The following PGAP1 variants were observed in gnomAD, a reference collection of about 807,000 sequenced individuals.
The protein encoded by PGAP1 is post-GPI attachment to proteins inositol deacylase 1.
PGAP1 carries 76 observed loss-of-function variants against 127.0 expected under a neutral mutation model. The observed-to-expected ratio is 0.60, with a 90% confidence interval of 0.50 to 0.72. The LOEUF (loss-of-function observed/expected upper bound fraction) is 0.72, where lower values mean the gene tolerates loss of function less well. Ranked by LOEUF, PGAP1 falls within the 30% of genes least tolerant of loss-of-function variation. The probability of loss-of-function intolerance (pLI) is 0.00; values close to 1 mark genes in which losing one functional copy is unlikely to be tolerated. For synonymous variants in PGAP1, 362 were observed against 366.5 expected (o/e 0.99, Z 0.14); for missense variants, 982 against 1,071.3 (o/e 0.92, Z 1.16).
chr2:196,862,019 A>T (rs929655018), intron 20 of PGAP1, among the ~76,000 whole-genome samples: 33 of 151,768 alleles, frequency 2.2e-4, no homozygotes, highest in African/African-American at 8.0e-4. Flanking sequence ...AAATCTGGGC[A>T]CCTTGAAAAA....
At chr2:196,922,264 C>T in intron 1 of PGAP1, 1 of 1,202,480 alleles carries the variant, frequency 8.3e-7, no homozygotes, top group South Asian at 1.4e-5. Flanking sequence ...ACTAAAATAT[C>T]TATTTTATGA....
At chr2:196,895,987 G>A (rs539389235) in intron 7 of PGAP1, among the ~76,000 whole-genome samples, 1 of 152,274 alleles carries the variant, frequency 6.6e-6, no homozygotes, top group Admixed American at 6.5e-5. Context: ...AAGATGACCT[G>A]AGGTAAAAGG....
At chr2:196,875,916 A>T (rs759019524) in intron 13 of PGAP1, 95 bp from the exon 14 acceptor site, 2 of 654,542 alleles carry the variant, frequency 3.1e-6, no homozygotes, top group Non-Finnish European at 2.7e-6. Flanking sequence ...AAAGTCTATA[A>T]ACCTCAGCTT....
chr2:196,837,259 T>A lies in PGAP1; in HGVS notation c.*3975A>T, dbSNP rs1700263271. 1 of 152,202 alleles carries A rather than the reference T, an allele frequency of 6.6e-6. No individual in the cohort carries two copies. Among genetic ancestry groups the A allele is most frequent in the South Asian group, 2.1e-4 (1 of 4,828 alleles). 9.4% of individuals were successfully genotyped at this position (152,202 alleles called of 1,614,324 possible). A position where few individuals can be genotyped will look rare whatever the true frequency, so the allele number is the denominator to read the frequency against. On this transcript the variant is annotated 3_prime_UTR_variant, in exon 27 of 27. Transcript: ENST00000354764. ...GAATTTTACCACCTTTTATTTCCCT[T>A]GGCCACAAAGGGTGCTAATAAACAG...
rs1454563114 is a variant in PGAP1, at chr2:196,890,829, A to T, written c.1172T>A (p.Leu391Gln). ...YTHVYCQSTM[L>Q]DTNSWIFACI... ...CATAAAATGTACCAATTATCTTACC[A>T]GCATAGTGCTCTGACAATAGACATG... Residue 391 changes from leucine to glutamine, a missense_variant and splice_region_variant, in exon 10 of 27, where the codon CTG becomes CAG. Leu to Gln is a moderately radical substitution (Grantham distance 113). Coordinates refer to ENST00000354764, the MANE Select transcript of PGAP1 (RefSeq NM_024989.4). 10 of 1,518,288 alleles carry T rather than the reference A, an allele frequency of 6.6e-6. No individual in the cohort carries two copies. The highest frequency in any genetic ancestry group is 9.1e-6 in the Non-Finnish European group (10 of 1,096,168). 94.1% of individuals were successfully genotyped at this position (1,518,288 alleles called of 1,614,324 possible).
In PGAP1 at chr2:196,845,945, T is replaced by G; in HGVS notation, c.2223A>C (p.Ile741=). The G allele has an allele frequency of 6.2e-7, 1 of 1,609,058 alleles. No homozygotes were observed. Among genetic ancestry groups the G allele is most frequent in the Non-Finnish European group, 8.5e-7 (1 of 1,176,782 alleles). ...DLPFLTIVLI[I]VSWTTCGALA... ...GTGCTCCACAAGTTGTCCAACTAAC[T>G]ATGATCAAGACAATTGTCAAAAAGG... Residue 741 remains isoleucine, a synonymous_variant, in exon 23 of 27, where the codon ATA becomes ATC. Coordinates refer to ENST00000354764, the MANE Select transcript of PGAP1 (RefSeq NM_024989.4).
intron 5 of PGAP1, among the ~76,000 whole-genome samples, chr2:196,901,282 C>T (rs1454228891): frequency 6.6e-6 from 1 of 152,226 alleles, no homozygotes; most frequent in Non-Finnish European, 1.5e-5. Context: ...ATTCTGGCTA[C>T]ATCCCAATTC....
chr2:196,842,424 G>A (rs1438983918), intron 26 of PGAP1, among the ~76,000 whole-genome samples: 1 of 151,938 alleles, frequency 6.6e-6, no homozygotes, highest in Non-Finnish European at 1.5e-5. Context: ...ATCAAATCAT[G>A]GCCAATTTTA....
chr2:196,880,032 G>A (rs1275868033), intron 13 of PGAP1, 44 bp downstream of exon 13: 5 of 1,380,302 alleles, frequency 3.6e-6, no homozygotes, highest in Middle Eastern at 1.8e-4. Flanking sequence ...AATTTAGCAT[G>A]TGTCTCCAAA....
At chr2:196,847,294 A>G (rs1700584908) in intron 21 of PGAP1, 94 bp from the exon 22 acceptor site, 2 of 896,180 alleles carry the variant, frequency 2.2e-6, no homozygotes, top group South Asian at 1.8e-5. Context: ...GAGAGTCTCT[A>G]AAGTTCCATG....
chr2:196,865,532 T>G lies in PGAP1; in HGVS notation c.1768-452A>C, dbSNP rs79772916. Among the ~76,000 whole-genome samples the G allele has an allele frequency of 2.5e-3, 382 of 152,296 alleles. 2 individuals carry two copies. The highest frequency in any genetic ancestry group is 8.8e-3 in the African/African-American group (365 of 41,578). ...CAAGTTACTTAGCTTCCCCTCTCTA[T>G]GTCTTTATCAGTAAATGGGGACAAT... On this transcript the variant is annotated intron_variant, in intron 19 of 26. Coordinates refer to ENST00000354764, the MANE Select transcript of PGAP1 (RefSeq NM_024989.4).
intron 12 of PGAP1, among the ~76,000 whole-genome samples, chr2:196,882,939 A>C (rs982794415): frequency 6.6e-6 from 1 of 152,114 alleles, no homozygotes; most frequent in South Asian, 2.1e-4. Flanking sequence ...CTGGTTTTCA[A>C]GGGGAATGCT....
intron 20 of PGAP1, among the ~76,000 whole-genome samples, chr2:196,858,335 G>A (rs754841476): frequency 4.0e-5 from 6 of 151,732 alleles, no homozygotes; most frequent in Admixed American, 1.3e-4. Context: ...CAGGGAGACA[G>A]AGCTTGCAGT....
At chr2:196,887,690 T>C (rs566066691) in intron 10 of PGAP1, among the ~76,000 whole-genome samples, 3 of 152,348 alleles carry the variant, frequency 2.0e-5, no homozygotes, top group African/African-American at 7.2e-5. Flanking sequence ...CAGGCAGACA[T>C]AGTCTCTGCT....
At chr2:196,846,297 C>T (rs546712810) in intron 22 of PGAP1, among the ~76,000 whole-genome samples, 13 of 152,220 alleles carry the variant, frequency 8.5e-5, no homozygotes, top group Middle Eastern at 3.4e-3. Context: ...ATTAATTATA[C>T]ACTCTGTGCC....
At chr2:196,897,246 C>G in intron 6 of PGAP1, 49 bp from the exon 7 acceptor site, 1 of 1,173,478 alleles carries the variant, frequency 8.5e-7, no homozygotes, top group Non-Finnish European at 1.2e-6. Flanking sequence ...AAAACATATA[C>G]TTTTGATCAA....
intron 18 of PGAP1, among the ~76,000 whole-genome samples, chr2:196,871,558 A>C (rs1701410691): frequency 6.6e-6 from 1 of 152,154 alleles, no homozygotes; most frequent in Non-Finnish European, 1.5e-5. Context: ...ATAAATATGA[A>C]CATGCAAATT....
chr2:196,833,741 T>A lies in PGAP1; in HGVS notation c.*7493A>T, dbSNP rs903452074. ...CTTTCAAAATTGAAATTGAAAAATA[T>A]ACAACAACTGTGAGTACACAGAAAT... On this transcript the variant is annotated 3_prime_UTR_variant, in exon 27 of 27. Coordinates refer to ENST00000354764, the MANE Select transcript of PGAP1 (RefSeq NM_024989.4). The A allele has an allele frequency of 6.6e-6, 1 of 152,096 alleles. No individual in the cohort carries two copies. The highest frequency in any genetic ancestry group is 2.4e-5 in the African/African-American group (1 of 41,438). The allele number at this position is 152,096 out of a possible 1,614,324, so 9.4% of individuals were successfully genotyped here. A position where few individuals can be genotyped will look rare whatever the true frequency, so the allele number is the denominator to read the frequency against.
rs188680005 is a variant in PGAP1 at position 196,879,937 on chromosome 2, T to C, written c.1350+139A>G. 245 of 607,152 alleles carry C rather than the reference T, an allele frequency of 4.0e-4. No individual in the cohort carries two copies. In the African/African-American group the frequency reaches 4.4e-3, roughly 11 times the overall value. 37.6% of individuals were successfully genotyped at this position (607,152 alleles called of 1,614,324 possible). A position where few individuals can be genotyped will look rare whatever the true frequency, so the allele number is the denominator to read the frequency against. On this transcript the variant is annotated intron_variant, in intron 13 of 26. Coordinates refer to ENST00000354764, the MANE Select transcript of PGAP1 (RefSeq NM_024989.4). Reference sequence around the variant, plus strand: ...TTCAAGTTAGAGTAGATGATCCTAATAATTTAACAGTCTTAGGTGGATCAT... The same window carrying C: ...TTCAAGTTAGAGTAGATGATCCTAACAATTTAACAGTCTTAGGTGGATCAT...
Sources: gnomAD v4.1 joint callset for allele counts (sites outside exome capture counted in the v4.1 genomes callset) on GRCh38, gnomAD v4.1.1 for gene constraint, MANE v1.5 for transcripts, NCBI Gene and HGNC (gene_info 2026-07-23, HGNC 2026-07-21) for gene names.